VASN: variants seen among roughly 807,000 people sequenced by gnomAD.
VASN encodes the protein vasorin.
VASN carries 5 observed loss-of-function variants against 4.8 expected under a neutral mutation model. The observed-to-expected ratio is 1.03, with a 90% CI of 0.54 to 2.17. VASN has a LOEUF of 2.17. Among genes scored for constraint, VASN ranks in the 30% most tolerant of loss-of-function variants. The pLI is 0.01. For synonymous variants in VASN, 499 were observed against 460.8 expected, an observed-to-expected ratio of 1.08 and a Z score of -1.06; for missense variants, 927 against 948.8, an observed-to-expected ratio of 0.98 and a Z score of 0.30.
At chr16:4,377,732 ACT>A (rs1260459173) in intron 1 of VASN, among the ~76,000 whole-genome samples, 2 of 151,030 alleles carry the variant, frequency 1.3e-5, no homozygotes, top group East Asian at 2.0e-4. Context: ...TAGCTTACAA[ACT>A]CTGGGGTTTT....
At chr16:4,373,282 C>T (rs182415803) in intron 1 of VASN, among the ~76,000 whole-genome samples, 317 of 152,202 alleles carry the variant, frequency 2.1e-3, no homozygotes, top group Non-Finnish European at 3.8e-3. Context: ...AGACCATTAT[C>T]TAGCCTCCCC....
At chr16:4,374,630 G>A (rs2054655486) in intron 1 of VASN, among the ~76,000 whole-genome samples, 2 of 152,200 alleles carry the variant, frequency 1.3e-5, no homozygotes, top group South Asian at 2.1e-4. Context: ...CAGTGCGGGG[G>A]CAGGGTTGTG....
intron 1 of VASN, among the ~76,000 whole-genome samples, chr16:4,376,952 C>T (rs896170891): frequency 1.3e-5 from 2 of 152,302 alleles, no homozygotes; most frequent in South Asian, 2.1e-4. Flanking sequence ...TTATGAGTGA[C>T]GCCCTCCGCA....
intron 1 of VASN, among the ~76,000 whole-genome samples, chr16:4,376,017 G>T (rs1312420343): frequency 6.6e-6 from 1 of 152,202 alleles, no homozygotes; most frequent in Non-Finnish European, 1.5e-5. Flanking sequence ...GCCAGCTTGG[G>T]GTGGTGGATG....
Position 4,382,883 on chromosome 16 carries a change from C to G in VASN, c.2006C>G (p.Ala669Gly), listed in dbSNP as rs2055050090. The G allele has an allele frequency of 6.5e-7, 1 of 1,542,164 alleles. No individual in the cohort carries two copies. Among genetic ancestry groups the G allele is most frequent in the Admixed American group, 2.0e-5 (1 of 49,644 alleles). Reference protein sequence around the residue: ...PGPGLQSPLHAKPYI With the variant: ...PGPGLQSPLHGKPYI ...CCTGGCCTCCAGTCACCCCTCCACG[C>G]AAAGCCCTACATCTAAGCCAGAGAG... The change falls in exon 2 of 2, where the codon GCA (alanine) becomes GGA (glycine). Residue 669 changes from alanine to glycine, a missense_variant. Coordinates refer to ENST00000304735, the MANE Select transcript of VASN (RefSeq NM_138440.3).
At chr16:4,380,517 G>C (rs2054919744) in intron 1 of VASN, among the ~76,000 whole-genome samples, 1 of 152,242 alleles carries the variant, frequency 6.6e-6, no homozygotes, top group African/African-American at 2.4e-5. Flanking sequence ...GCCGCTCCAA[G>C]TCCCACCATT....
intron 1 of VASN, among the ~76,000 whole-genome samples, chr16:4,377,735 CTG>C (rs2054793352): frequency 6.6e-6 from 1 of 152,222 alleles, no homozygotes; most frequent in Non-Finnish European, 1.5e-5. Context: ...CTTACAAACT[CTG>C]GGGTTTTCCA....
At chr16:4,375,102 T>C (rs1369509391) in intron 1 of VASN, among the ~76,000 whole-genome samples, 1 of 152,152 alleles carries the variant, frequency 6.6e-6, no homozygotes, top group African/African-American at 2.4e-5. Flanking sequence ...AGGTTGCACC[T>C]CTTGTGACTA....
chr16:4,372,138 GC>G (rs910814561), intron 1 of VASN, 145 bp downstream of exon 1: 2 of 151,774 alleles, frequency 1.3e-5, no homozygotes, highest in South Asian at 4.1e-4. Context: ...CACCTGGGCC[GC>G]CCGGCGGGCA....
chr16:4,379,300 G>A (rs968433442), intron 1 of VASN, among the ~76,000 whole-genome samples: 3 of 152,078 alleles, frequency 2.0e-5, no homozygotes, highest in African/African-American at 7.2e-5. Flanking sequence ...GAGGCTCAGG[G>A]ACTTCTAGGG....
At position 4,381,699 on chromosome 16, in the gene VASN, A is replaced by G; in HGVS notation, c.822A>G (p.Leu274=). 1 of 1,607,830 alleles carries G rather than the reference A, an allele frequency of 6.2e-7. No homozygotes were observed. The highest frequency in any genetic ancestry group is 1.3e-5 in the African/African-American group (1 of 74,890). ...TGCAGGAGCTGGATGTGAGCAACCT[A>G]AGCCTGCAGGCCCTGCCTGGCGACC... ...AALQELDVSN[L]SLQALPGDLS... is the part of the protein sequence containing the mutation. The change falls in exon 2 of 2, where the codon CTA becomes CTG. Residue 274 remains leucine (L), a synonymous_variant. Transcript: ENST00000304735.
At chr16:4,377,301 C>T (rs575530377) in intron 1 of VASN, among the ~76,000 whole-genome samples, 127 of 145,942 alleles carry the variant, frequency 8.7e-4, no homozygotes, top group African/African-American at 3.1e-3. Flanking sequence ...TCTCACCTCC[C>T]TGCCTGACTA....
chr16:4,380,390 A>T (rs1395412392), intron 1 of VASN, among the ~76,000 whole-genome samples: 1 of 152,220 alleles, frequency 6.6e-6, no homozygotes, highest in Non-Finnish European at 1.5e-5. Context: ...TCCTCCAAGG[A>T]GGGCGGGACA....
Position 4,381,939 on chromosome 16 carries a change from C to T in VASN, c.1062C>T (p.Thr354=), listed in dbSNP as rs1047063502. Residue 354 remains threonine, a synonymous_variant, in exon 2 of 2, where the codon ACC becomes ACT. Transcript: ENST00000304735. ...YADFGCPATT[T]TATVPTTRPV... ...ACTTTGGCTGCCCAGCCACCACCAC[C>T]ACAGCCACAGTGCCCACCACGAGGC... The T allele has an allele frequency of 6.2e-7, 1 of 1,607,956 alleles. No homozygotes were observed. The highest frequency in any genetic ancestry group is 8.5e-7 in the Non-Finnish European group (1 of 1,178,902).
At position 4,381,564 on chromosome 16, in the gene VASN, GC is replaced by G; in HGVS notation, c.688del (p.Arg230GlufsTer5). ...TGGATGTGTCCGACAACCAGCTGGA[GC>G]GAGTGCCACCTGTGATCCGAGGCCT... ...DLDVSDNQLE[R>X]VPPVIRGLRG... On this transcript the variant is annotated frameshift_variant, in exon 2 of 2. Coordinates refer to ENST00000304735, the MANE Select transcript of VASN (RefSeq NM_138440.3). LOFTEE classifies it low-confidence loss of function (END_TRUNC). 2 of 1,605,474 alleles carry G rather than the reference GC, an allele frequency of 1.2e-6. No homozygotes were observed. The highest frequency in any genetic ancestry group is 1.7e-6 in the Non-Finnish European group (2 of 1,176,754).
At chr16:4,377,838 T>C (rs932845521) in intron 1 of VASN, among the ~76,000 whole-genome samples, 20 of 152,176 alleles carry the variant, frequency 1.3e-4, no homozygotes, top group African/African-American at 4.8e-4. Flanking sequence ...TTTACGGGGC[T>C]GGGAAGCAGG....
In VASN at chr16:4,381,535, G is replaced by A. The variant is rs1393102857; in HGVS notation, c.658G>A (p.Asp220Asn). The A allele has an allele frequency of 1.1e-5, 17 of 1,603,972 alleles. No individual in the cohort carries two copies. Among genetic ancestry groups the A allele is most frequent in the South Asian group, 2.2e-5 (2 of 89,620 alleles). The stretch of plus-strand genomic sequence containing the variant: ...CTTCAGCCGCTTGCGCAACCTCCAC[G>A]ACCTGGATGTGTCCGACAACCAGCT... ...GLFSRLRNLH[D>N]LDVSDNQLER... Residue 220 changes from aspartate to asparagine, a missense_variant, in exon 2 of 2, where the codon GAC (aspartate) becomes AAC (asparagine). Transcript: ENST00000304735.
chr16:4,377,215 ACCC>A (rs999065164), intron 1 of VASN, among the ~76,000 whole-genome samples: 1 of 151,266 alleles, frequency 6.6e-6, no homozygotes, highest in Non-Finnish European at 1.5e-5. Context: ...TCATCTTCCC[ACCC>A]CCCGACGTCC....
intron 1 of VASN, among the ~76,000 whole-genome samples, chr16:4,376,746 C>T (rs2054746339): frequency 6.6e-6 from 1 of 152,190 alleles, no homozygotes; most frequent in Non-Finnish European, 1.5e-5. Context: ...CCCTGAAGTC[C>T]TGTGCTGAAG....
Sources: allele counts gnomAD v4.1 joint callset (sites outside exome capture counted in the v4.1 genomes callset), GRCh38; gene constraint gnomAD v4.1.1; transcripts MANE v1.5; gene names NCBI Gene and HGNC (gene_info 2026-07-23, HGNC 2026-07-21).